Variants in ZNF804B observed in about 807,000 individuals in gnomAD.
ZNF804B encodes zinc finger 804B.
A neutral mutation model predicts 101.4 loss-of-function variants in ZNF804B; 80 were observed. The observed-to-expected ratio is 0.79, with a 90% CI of 0.66 to 0.95. The LOEUF is 0.95. Ranked by LOEUF, ZNF804B falls within the 40% of genes least tolerant of loss-of-function variation. The pLI is 0.00. For synonymous variants in ZNF804B, 622 were observed against 558.8 expected (o/e 1.11, Z -1.59); for missense variants, 1,673 against 1,561.9 (o/e 1.07, Z -1.20).
At chr7:88,952,458 T>C (rs141440819) in intron 1 of ZNF804B, among the ~76,000 whole-genome samples, 2 of 151,172 alleles carry the variant, frequency 1.3e-5, no homozygotes, top group Non-Finnish European at 3.0e-5. Flanking sequence ...ATCATTTTTA[T>C]GTGCAAATTT....
chr7:89,018,303 A>T (rs1039934967), intron 1 of ZNF804B, among the ~76,000 whole-genome samples: 5 of 151,960 alleles, frequency 3.3e-5, no homozygotes, highest in Non-Finnish European at 5.9e-5. Flanking sequence ...TGTTGATGTG[A>T]TGTATCATAT....
intron 1 of ZNF804B, among the ~76,000 whole-genome samples, chr7:89,125,152 G>A (rs1426557278): frequency 6.6e-6 from 1 of 151,548 alleles, no homozygotes; most frequent in East Asian, 1.9e-4. Flanking sequence ...GTGTCTGGCA[G>A]CCTGATTTTG....
At chr7:89,102,824 A>T (rs1790075553) in intron 1 of ZNF804B, among the ~76,000 whole-genome samples, 1 of 151,894 alleles carries the variant, frequency 6.6e-6, no homozygotes, top group South Asian at 2.1e-4. Flanking sequence ...TCCTACATTT[A>T]GGTGTTTAAT....
At chr7:89,044,096 G>A (rs1404034775) in intron 1 of ZNF804B, among the ~76,000 whole-genome samples, 1 of 152,136 alleles carries the variant, frequency 6.6e-6, no homozygotes, top group Non-Finnish European at 1.5e-5. Context: ...CACATGTCCT[G>A]GGAGGCATTC....
chr7:89,334,363 C>CTT lies in ZNF804B; in HGVS notation c.1382_1383dup (p.Leu462PhefsTer34). 1 of 1,613,824 alleles carries CTT rather than the reference C, an allele frequency of 6.2e-7. No individual in the cohort carries two copies. The highest frequency in any genetic ancestry group is 8.5e-7 in the Non-Finnish European group (1 of 1,179,824). Reference sequence around the variant, plus strand: ...CACCACTCTTCAATGGCCTACGGAACTTCTGCTCTTTACAAAAACAGAACC... The same window carrying CTT: ...CACCACTCTTCAATGGCCTACGGAACTTTTCTGCTCTTTACAAAAACAGAACC... On this transcript the variant is annotated frameshift_variant, in exon 4 of 4. Transcript: ENST00000333190. LOFTEE classifies it high-confidence loss of function.
Position 89,334,245 on chromosome 7 carries a change from C to G in ZNF804B, c.1263C>G (p.Ser421Arg). Reference sequence around the variant, plus strand: ...CTTTAGATAAAACAGAAAGAGTTAGCAAAAATGTTCAAAGACTTGTAAAAG... The same window carrying G: ...CTTTAGATAAAACAGAAAGAGTTAGGAAAAATGTTCAAAGACTTGTAAAAG... ...EKSLDKTERV[S>R]KNVQRLVKEA... Residue 421 changes from serine (S) to arginine (R), a missense_variant, in exon 4 of 4, where the codon AGC becomes AGG. Physicochemically the swap from Ser to Arg is moderately radical, Grantham distance 110. Coordinates refer to ENST00000333190, the MANE Select transcript of ZNF804B (RefSeq NM_181646.5). 1.2e-6 allele frequency: 2 copies of G among 1,613,504 alleles called. No individual in the cohort carries two copies. The highest frequency in any genetic ancestry group is 1.7e-6 in the Non-Finnish European group (2 of 1,179,768).
chr7:88,854,527 T>C (rs10952934), intron 1 of ZNF804B, among the ~76,000 whole-genome samples: 419 of 40,058 alleles, frequency 0.01, 29 homozygotes, highest in African/African-American at 0.028. Flanking sequence ...CTTTCCTTCC[T>C]TTCCTTCCTT....
At chr7:89,061,779 A>C (rs956846866) in intron 1 of ZNF804B, among the ~76,000 whole-genome samples, 1 of 152,102 alleles carries the variant, frequency 6.6e-6, no homozygotes, top group African/African-American at 2.4e-5. Context: ...TATCATTATT[A>C]ATATCATATC....
At chr7:88,857,466 C>G (rs1009262873) in intron 1 of ZNF804B, among the ~76,000 whole-genome samples, 14 of 152,258 alleles carry the variant, frequency 9.2e-5, no homozygotes, top group African/African-American at 3.4e-4. Flanking sequence ...AAACTACCAT[C>G]AGAGAATACT....
intron 2 of ZNF804B, among the ~76,000 whole-genome samples, chr7:89,270,206 A>G (rs1336746609): frequency 1.3e-5 from 2 of 152,110 alleles, no homozygotes; most frequent in Non-Finnish European, 2.9e-5. Context: ...AGGTCTAAAC[A>G]TTTAAGTCTT....
At chr7:89,071,047 G>T (rs1419402839) in intron 1 of ZNF804B, among the ~76,000 whole-genome samples, 1 of 151,980 alleles carries the variant, frequency 6.6e-6, no homozygotes. Flanking sequence ...ACATCCTCTT[G>T]TATAATTTAA....
At chr7:89,315,117 G>A (rs893565126) in intron 2 of ZNF804B, among the ~76,000 whole-genome samples, 4 of 152,128 alleles carry the variant, frequency 2.6e-5, no homozygotes, top group Admixed American at 6.6e-5. Flanking sequence ...TGTGGAAGAC[G>A]AATGGGGAGC....
At position 88,760,057 on chromosome 7, in the gene ZNF804B, C is replaced by T. The variant is rs1789869483; in HGVS notation, c.81C>T (p.Pro27=). Reference sequence around the variant, plus strand: ...GCATTAAAGGAGTCTTCAGGGGACCCCTGTGCAAGAACGGATCTCCCTCTC... The same window carrying T: ...GCATTAAAGGAGTCTTCAGGGGACCTCTGTGCAAGAACGGATCTCCCTCTC... ...YRGIKGVFRG[P]LCKNGSPSPD... Residue 27 remains proline (P), a synonymous_variant, in exon 1 of 4, where the codon CCC becomes CCT. Coordinates refer to ENST00000333190, the MANE Select transcript of ZNF804B (RefSeq NM_181646.5). 4 of 1,614,200 alleles carry T rather than the reference C, an allele frequency of 2.5e-6. No homozygotes were observed. Among genetic ancestry groups the T allele is most frequent in the Non-Finnish European group, 3.4e-6 (4 of 1,180,016 alleles).
At chr7:88,980,603 A>C (rs1289905982) in intron 1 of ZNF804B, among the ~76,000 whole-genome samples, 2 of 152,104 alleles carry the variant, frequency 1.3e-5, no homozygotes, top group Non-Finnish European at 2.9e-5. Flanking sequence ...GGATAAGATC[A>C]GGAAGAATTC....
At chr7:89,212,052 T>A (rs1484138911) in intron 1 of ZNF804B, among the ~76,000 whole-genome samples, 1 of 152,050 alleles carries the variant, frequency 6.6e-6, no homozygotes, top group Non-Finnish European at 1.5e-5. Context: ...CTTGAAGAGG[T>A]CCCTCACTTC....
At chr7:89,212,129 G>T (rs1584057677) in intron 1 of ZNF804B, among the ~76,000 whole-genome samples, 1 of 151,916 alleles carries the variant, frequency 6.6e-6, no homozygotes, top group East Asian at 1.9e-4. Flanking sequence ...ATGAGATAGT[G>T]GACTAAAGGT....
chr7:89,064,502 A>G (rs1583964933), intron 1 of ZNF804B, among the ~76,000 whole-genome samples: 1 of 152,278 alleles, frequency 6.6e-6, no homozygotes, highest in South Asian at 2.1e-4. Context: ...TAAACTTTAA[A>G]TGTGGTTTAG....
At chr7:88,831,757 AGACT>A (rs141515438) in intron 1 of ZNF804B, among the ~76,000 whole-genome samples, 2,119 of 152,042 alleles carry the variant, frequency 0.014, 49 homozygotes, top group African/African-American at 0.048. Flanking sequence ...TTCTTATGAC[AGACT>A]GACCTTGCTC....
chr7:88,970,035 T>A (rs1427045419), intron 1 of ZNF804B, among the ~76,000 whole-genome samples: 1 of 151,186 alleles, frequency 6.6e-6, no homozygotes, highest in Non-Finnish European at 1.5e-5. Context: ...ATTTCCCTTT[T>A]CTCCTTCCCT....
Sources: gnomAD v4.1 joint callset for allele counts (sites outside exome capture counted in the v4.1 genomes callset) on GRCh38, gnomAD v4.1.1 for gene constraint, MANE v1.5 for transcripts, NCBI Gene and HGNC (gene_info 2026-07-23, HGNC 2026-07-21) for gene names.